The following KIF6 variants were observed in gnomAD, a reference collection of about 807,000 sequenced individuals.
The protein encoded by KIF6 is kinesin family member 6, also known as kinesin-like protein KIF6.
A neutral mutation model predicts 112.7 loss-of-function variants in KIF6; 106 were observed. That is an observed-to-expected ratio of 0.94 (90% CI 0.80 to 1.11). KIF6 has a LOEUF of 1.11. KIF6 is among the 50% of genes least tolerant of loss of function. The probability of loss-of-function intolerance (pLI) is 0.00; values close to 1 mark genes in which losing one functional copy is unlikely to be tolerated. For missense variants in KIF6, 929 were observed against 964.0 expected (o/e 0.96, Z 0.48); for synonymous variants, 339 against 339.9 (o/e 1.00, Z 0.03).
intron 16 of KIF6, among the ~76,000 whole-genome samples, chr6:39,382,121 A>G (rs953493431): frequency 6.6e-5 from 10 of 152,194 alleles, no homozygotes; most frequent in Non-Finnish European, 1.5e-4. Flanking sequence ...AATTGCCCCT[A>G]GAGTTGAGTG....
chr6:39,575,507 T>G (rs1780909816), intron 10 of KIF6, among the ~76,000 whole-genome samples: 1 of 152,150 alleles, frequency 6.6e-6, no homozygotes, highest in South Asian at 2.1e-4. Flanking sequence ...CCTGACTTTG[T>G]GATCCGCCCG....
chr6:39,424,084 T>C (rs1326563579), intron 14 of KIF6, among the ~76,000 whole-genome samples: 1 of 152,180 alleles, frequency 6.6e-6, no homozygotes, highest in Non-Finnish European at 1.5e-5. Flanking sequence ...TCCTGCTGCC[T>C]TCTCCAGCTT....
At chr6:39,379,630 C>T (rs1766753163) in intron 16 of KIF6, among the ~76,000 whole-genome samples, 1 of 152,098 alleles carries the variant, frequency 6.6e-6, no homozygotes, top group East Asian at 1.9e-4. Context: ...GGTTTTGTGG[C>T]TACAGTGGGA....
At chr6:39,563,315 G>A (rs535858440) in intron 10 of KIF6, among the ~76,000 whole-genome samples, 27 of 152,176 alleles carry the variant, frequency 1.8e-4, no homozygotes, top group African/African-American at 4.3e-4. Context: ...AACTTTAGGC[G>A]TTTATCTTTC....
At chr6:39,588,845 C>G (rs561007227) in intron 7 of KIF6, among the ~76,000 whole-genome samples, 3 of 152,180 alleles carry the variant, frequency 2.0e-5, no homozygotes, top group Non-Finnish European at 1.5e-5. Flanking sequence ...CTTACCACCA[C>G]CACTCCAGTT....
At chr6:39,554,736 G>T in intron 10 of KIF6, 1 of 163,862 alleles carries the variant, frequency 6.1e-6, no homozygotes, top group Non-Finnish European at 1.3e-5. Flanking sequence ...AGGCATTCTG[G>T]AACTCCCCGA....
At chr6:39,552,944 A>G (rs1779468773) in intron 10 of KIF6, among the ~76,000 whole-genome samples, 1 of 152,204 alleles carries the variant, frequency 6.6e-6, no homozygotes, top group African/African-American at 2.4e-5. Context: ...TGAAAAGCTG[A>G]AGGCTGAGAT....
chr6:39,429,806 G>A (rs1039507377), intron 14 of KIF6, among the ~76,000 whole-genome samples: 2 of 152,084 alleles, frequency 1.3e-5, no homozygotes, highest in African/African-American at 4.8e-5. Flanking sequence ...TACTTGGGAG[G>A]CTGAGGCAGG....
intron 16 of KIF6, among the ~76,000 whole-genome samples, chr6:39,370,720 G>A (rs1765909695): frequency 1.3e-5 from 2 of 152,140 alleles, no homozygotes; most frequent in African/African-American, 4.8e-5. Context: ...CTCCTTGGGG[G>A]TGGTGTGTGT....
intron 3 of KIF6, among the ~76,000 whole-genome samples, chr6:39,680,070 G>A (rs748405718): frequency 2.6e-5 from 4 of 151,814 alleles, no homozygotes; most frequent in East Asian, 1.9e-4. Flanking sequence ...GTGCAGTGGC[G>A]TGATCTCAGC....
intron 6 of KIF6, among the ~76,000 whole-genome samples, chr6:39,601,459 A>G (rs1423382791): frequency 6.6e-6 from 1 of 152,092 alleles, no homozygotes; most frequent in Non-Finnish European, 1.5e-5. Context: ...CCCTAAGACT[A>G]AATATCTCTC....
chr6:39,344,276 G>A (rs918172537), intron 21 of KIF6, among the ~76,000 whole-genome samples: 4 of 152,142 alleles, frequency 2.6e-5, no homozygotes, highest in African/African-American at 9.7e-5. Context: ...CACCATGATT[G>A]TGAGGCCTCC....
intron 13 of KIF6, among the ~76,000 whole-genome samples, chr6:39,469,013 C>T (rs1773969984): frequency 6.6e-6 from 1 of 151,854 alleles, no homozygotes; most frequent in Non-Finnish European, 1.5e-5. Context: ...TACATACATA[C>T]ACACATACAA....
intron 13 of KIF6, among the ~76,000 whole-genome samples, chr6:39,490,494 C>T (rs1775414512): frequency 6.6e-6 from 1 of 152,148 alleles, no homozygotes; most frequent in South Asian, 2.1e-4. Flanking sequence ...TTTGTGAATG[C>T]AGCAAATGAC....
chr6:39,376,981 G>A (rs1766492309), intron 16 of KIF6, among the ~76,000 whole-genome samples: 1 of 152,190 alleles, frequency 6.6e-6, no homozygotes, highest in Admixed American at 6.5e-5. Flanking sequence ...TCGTGGTCCT[G>A]AAGGGGCTGT....
At chr6:39,469,342 T>G (rs1009646894) in intron 13 of KIF6, among the ~76,000 whole-genome samples, 3 of 151,926 alleles carry the variant, frequency 2.0e-5, no homozygotes, top group Non-Finnish European at 4.4e-5. Context: ...TTAATGCAAA[T>G]AGATTAAAAA....
At chr6:39,337,583 A>G (rs2113880772) in intron 22 of KIF6, among the ~76,000 whole-genome samples, 1 of 151,730 alleles carries the variant, frequency 6.6e-6, no homozygotes, top group South Asian at 2.1e-4. Context: ...AAGTGCTGGG[A>G]TTACAGGTGT....
intron 13 of KIF6, among the ~76,000 whole-genome samples, chr6:39,500,005 G>T (rs769093544): frequency 1.1e-4 from 17 of 152,166 alleles, no homozygotes; most frequent in Non-Finnish European, 2.4e-4. Context: ...CCCAGGGAGT[G>T]GTGGAGATGA....
chr6:39,613,393 T>C, intron 5 of KIF6, 75 bp from the exon 6 acceptor site: 1 of 1,207,418 alleles, frequency 8.3e-7, no homozygotes, highest in South Asian at 1.7e-5. Flanking sequence ...TACAGGCTTT[T>C]AAAAAGCTGT....
Sources: allele counts gnomAD v4.1 joint callset (sites outside exome capture counted in the v4.1 genomes callset), GRCh38; gene constraint gnomAD v4.1.1; transcripts MANE v1.5; gene names NCBI Gene and HGNC (gene_info 2026-07-23, HGNC 2026-07-21).